NADSYN1: variants seen among roughly 807,000 people sequenced by gnomAD.
NADSYN1 encodes the protein NAD synthetase 1.
A neutral mutation model predicts 99.3 loss-of-function variants in NADSYN1; 80 were observed. The observed-to-expected ratio is 0.81, with a 90% CI of 0.67 to 0.97. NADSYN1 has a LOEUF of 0.97. Ranked by LOEUF, NADSYN1 falls within the 50% of genes least tolerant of loss-of-function variation. The pLI, the probability that NADSYN1 is intolerant of heterozygous loss-of-function variation, is 0.00. For missense variants in NADSYN1, 859 were observed against 948.5 expected (o/e 0.91, Z 1.24); for synonymous variants, 385 against 372.1 (o/e 1.03, Z -0.40).
intron 6 of NADSYN1, among the ~76,000 whole-genome samples, chr11:71,472,807 T>G (rs1220539449): frequency 1.3e-5 from 2 of 152,360 alleles, no homozygotes; most frequent in Admixed American, 6.5e-5. Context: ...GGGGCTATGT[T>G]CTGACATTTA....
At position 71,490,885 on chromosome 11, in the gene NADSYN1, GA is replaced by G; in HGVS notation, c.1604del (p.Asp535AlafsTer5). On this transcript the variant is annotated frameshift_variant, in exon 17 of 21. Coordinates refer to ENST00000319023, the MANE Select transcript of NADSYN1 (RefSeq NM_018161.5). LOFTEE classifies it high-confidence loss of function. ...GACCAAGTACGACTGCTCCAGTGCG[GA>G]CATCAACCCCATAGGCGGGATCAGC... ...YLTKYDCSSA[D>X]INPIGGISKT... 1.9e-6 allele frequency: 3 copies of G among 1,614,222 alleles called. No individual in the cohort carries two copies. Among genetic ancestry groups the G allele is most frequent in the South Asian group, 1.1e-5 (1 of 91,086 alleles).
At chr11:71,481,498 T>C in intron 12 of NADSYN1, 94 bp downstream of exon 12, 1 of 1,259,380 alleles carries the variant, frequency 7.9e-7, no homozygotes, top group Non-Finnish European at 1.1e-6. Flanking sequence ...TTTTTTTTTT[T>C]TTAGTGCAAA....
chr11:71,483,148 A>C, intron 14 of NADSYN1, 131 bp downstream of exon 14: 1 of 1,107,480 alleles, frequency 9.0e-7, no homozygotes, highest in Non-Finnish European at 1.3e-6. Context: ...ATGTGGATAA[A>C]CGTGTAAGTG....
At chr11:71,497,431 T>C in intron 18 of NADSYN1, 52 bp from the exon 19 acceptor site, 1 of 1,610,430 alleles carries the variant, frequency 6.2e-7, no homozygotes, top group South Asian at 1.1e-5. Flanking sequence ...CTTTAGGCTC[T>C]CCCCCCGCTG....
chr11:71,455,384 G>C (rs909531320), intron 2 of NADSYN1: 3 of 486,904 alleles, frequency 6.2e-6, no homozygotes, highest in Non-Finnish European at 1.1e-5. Flanking sequence ...GTAATTAAAA[G>C]AACTGACTTT....
intron 16 of NADSYN1, among the ~76,000 whole-genome samples, chr11:71,489,349 C>T (rs1308758233): frequency 6.6e-6 from 1 of 152,108 alleles, no homozygotes; most frequent in African/African-American, 2.4e-5. Flanking sequence ...CCTCAATTTT[C>T]CCCCTATAAC....
chr11:71,473,508 C>A, intron 7 of NADSYN1, 61 bp from the exon 8 acceptor site: 1 of 1,545,744 alleles, frequency 6.5e-7, no homozygotes, highest in Non-Finnish European at 8.9e-7. Flanking sequence ...CAAGGGGCTG[C>A]CAGGGAGGCT....
In NADSYN1 at chr11:71,490,993, G is replaced by A; in HGVS notation, c.1694+17G>A. Reference sequence around the variant, plus strand: ...CCTGCAGAGGTGAGTGTGCTCACGGGCTGTGGCTCCACAGCCACGGGGCTC... The same window carrying A: ...CCTGCAGAGGTGAGTGTGCTCACGGACTGTGGCTCCACAGCCACGGGGCTC... On this transcript the variant is annotated intron_variant, in intron 17 of 20. Transcript: ENST00000319023. 2 of 1,613,598 alleles carry A rather than the reference G, an allele frequency of 1.2e-6. No individual in the cohort carries two copies. The highest frequency in any genetic ancestry group is 1.7e-6 in the Non-Finnish European group (2 of 1,179,706).
At chr11:71,474,895 G>A (rs1337631852) in intron 9 of NADSYN1, 3 of 329,344 alleles carry the variant, frequency 9.1e-6, no homozygotes, top group South Asian at 5.1e-5. Context: ...AGTAGTGGAC[G>A]GATGAGGTTG....
chr11:71,478,074 T>TG (rs1342880146), intron 9 of NADSYN1, among the ~76,000 whole-genome samples: 1 of 151,320 alleles, frequency 6.6e-6, no homozygotes, highest in Non-Finnish European at 1.5e-5. Flanking sequence ...GACATGGGGG[T>TG]GTCTTACTGA....
intron 15 of NADSYN1, 76 bp downstream of exon 15, chr11:71,484,523 G>A (rs1949729479): frequency 6.6e-7 from 1 of 1,512,334 alleles, no homozygotes; most frequent in Non-Finnish European, 8.9e-7. Flanking sequence ...AGGATGTGCA[G>A]GTGCCCCCAC....
intron 1 of NADSYN1, among the ~76,000 whole-genome samples, chr11:71,454,177 G>A (rs891851538): frequency 1.3e-5 from 2 of 152,192 alleles, no homozygotes; most frequent in African/African-American, 2.4e-5. Flanking sequence ...TGTTTCAAGA[G>A]ATGGCATCTA....
intron 20 of NADSYN1, among the ~76,000 whole-genome samples, chr11:71,500,587 GA>G (rs10717036): frequency 0.89 from 135,586 of 152,100 alleles, 60,908 homozygotes; most frequent in Non-Finnish European, 0.95. Flanking sequence ...GAGGAATGCT[GA>G]ACATTTGGGA....
intron 17 of NADSYN1, among the ~76,000 whole-genome samples, chr11:71,491,404 G>A (rs1313978047): frequency 1.3e-5 from 2 of 151,532 alleles, no homozygotes; most frequent in Admixed American, 6.6e-5. Flanking sequence ...GAGTGACTGT[G>A]CCCCCCAGGG....
At chr11:71,481,051 CT>C (rs1591130833) in intron 11 of NADSYN1, 172 bp downstream of exon 11, 1 of 888,074 alleles carries the variant, frequency 1.1e-6, no homozygotes, top group Non-Finnish European at 1.7e-6. Flanking sequence ...GCCAGAACCC[CT>C]GGGTGTGACC....
chr11:71,490,394 C>CA (rs1190228964), intron 16 of NADSYN1, among the ~76,000 whole-genome samples: 3 of 152,316 alleles, frequency 2.0e-5, no homozygotes, highest in Admixed American at 6.5e-5. Context: ...TGAGAGGTGA[C>CA]AGAGTCACAG....
At chr11:71,490,149 GC>G (rs1949769182) in intron 16 of NADSYN1, among the ~76,000 whole-genome samples, 1 of 152,106 alleles carries the variant, frequency 6.6e-6, no homozygotes, top group Non-Finnish European at 1.5e-5. Flanking sequence ...TCTGTTTCCC[GC>G]CATTTCCAGC....
intron 16 of NADSYN1, among the ~76,000 whole-genome samples, chr11:71,490,239 C>T (rs1002341568): frequency 1.3e-5 from 2 of 152,198 alleles, no homozygotes; most frequent in African/African-American, 4.8e-5. Flanking sequence ...TGCCTTTCCC[C>T]TGCAGTCAGG....
chr11:71,497,675 G>A (rs553751961), intron 19 of NADSYN1, 64 bp downstream of exon 19: 34 of 1,602,274 alleles, frequency 2.1e-5, no homozygotes, highest in Admixed American at 1.5e-4. Context: ...TGCAGAGGCC[G>A]GTTTGACCTG....
Sources: gnomAD v4.1 joint callset for allele counts (sites outside exome capture counted in the v4.1 genomes callset) on GRCh38, gnomAD v4.1.1 for gene constraint, MANE v1.5 for transcripts, NCBI Gene and HGNC (gene_info 2026-07-23, HGNC 2026-07-21) for gene names.